Variants in LTBP1 observed in about 807,000 individuals in gnomAD.
LTBP1 encodes latent-transforming growth factor beta-binding protein 1.
A neutral mutation model predicts 207.6 loss-of-function variants in LTBP1; 129 were observed. The observed-to-expected ratio is 0.62, with a 90% CI of 0.54 to 0.72. The LOEUF is 0.72. Ranked by LOEUF, LTBP1 falls within the 30% of genes least tolerant of loss-of-function variation. The pLI is 0.00. For synonymous variants in LTBP1, 963 were observed against 833.7 expected (o/e 1.16, Z -2.67); for missense variants, 2,281 against 2,217.2 (o/e 1.03, Z -0.58).
At chr2:33,145,463 A>G (rs1005373372) in intron 5 of LTBP1, among the ~76,000 whole-genome samples, 31 of 152,226 alleles carry the variant, frequency 2.0e-4, no homozygotes, top group African/African-American at 7.2e-4. Flanking sequence ...AGAGTTTACT[A>G]CAGTGAGGAA....
intron 3 of LTBP1, among the ~76,000 whole-genome samples, chr2:33,092,197 G>GCA (rs908762240): frequency 0.011 from 1,661 of 150,810 alleles, 16 homozygotes; most frequent in Middle Eastern, 0.071. Flanking sequence ...ACACACACGC[G>GCA]CACACACACA....
intron 3 of LTBP1, among the ~76,000 whole-genome samples, chr2:33,063,764 A>G (rs2077373667): frequency 6.6e-6 from 1 of 152,100 alleles, no homozygotes; most frequent in South Asian, 2.1e-4. Context: ...TGAATATGGT[A>G]TATCTCTACA....
At chr2:33,174,326 G>A (rs1338716899) in intron 5 of LTBP1, among the ~76,000 whole-genome samples, 31 of 151,410 alleles carry the variant, frequency 2.0e-4, no homozygotes, top group East Asian at 7.8e-4. Flanking sequence ...TACAAAATCA[G>A]TGTACAAAAA....
chr2:33,265,393 A>G (rs545310758), intron 15 of LTBP1, among the ~76,000 whole-genome samples: 2 of 152,248 alleles, frequency 1.3e-5, no homozygotes, highest in Non-Finnish European at 2.9e-5. Flanking sequence ...GTAGGAGTTT[A>G]TATGAGTGGT....
At chr2:33,353,859 C>CATTTT (rs777108878) in intron 26 of LTBP1, among the ~76,000 whole-genome samples, 2 of 113,114 alleles carry the variant, frequency 1.8e-5, no homozygotes, top group Non-Finnish European at 3.9e-5. Flanking sequence ...TGCATGTACG[C>CATTTT]CTTTTTTTTT....
At chr2:33,265,399 G>A (rs1165470873) in intron 15 of LTBP1, among the ~76,000 whole-genome samples, 4 of 152,204 alleles carry the variant, frequency 2.6e-5, no homozygotes, top group African/African-American at 7.2e-5. Flanking sequence ...GTTTATATGA[G>A]TGGTTACCTA....
intron 3 of LTBP1, among the ~76,000 whole-genome samples, chr2:33,038,319 T>G (rs2076023953): frequency 6.6e-6 from 1 of 152,184 alleles, no homozygotes; most frequent in African/African-American, 2.4e-5. Context: ...GGTTTTTTGG[T>G]TTCCCCTGCA....
chr2:33,151,904 G>C (rs2083567204), intron 5 of LTBP1, among the ~76,000 whole-genome samples: 1 of 149,104 alleles, frequency 6.7e-6, no homozygotes, highest in South Asian at 2.1e-4. Flanking sequence ...TCCACTCGTT[G>C]ATTGATGGAC....
chr2:33,099,683 G>A (rs1193913633), intron 3 of LTBP1, among the ~76,000 whole-genome samples: 1 of 152,158 alleles, frequency 6.6e-6, no homozygotes, highest in African/African-American at 2.4e-5. Context: ...ATCCTGTGTA[G>A]TACTGTTTAT....
At position 33,138,848 on chromosome 2, in the gene LTBP1, C is replaced by CTTT. The variant is rs71409603; in HGVS notation, c.1201+3914_1201+3916dup. 3.7e-3 allele frequency among the ~76,000 whole-genome samples: 289 copies of CTTT among 77,670 alleles called. 33 individuals carry two copies. Among genetic ancestry groups the CTTT allele is most frequent in the African/African-American group, 7.7e-3 (143 of 18,646 alleles). The allele number at this position is 77,670 out of a possible 152,430, so 51.0% of individuals were successfully genotyped here. A position where few individuals can be genotyped will look rare whatever the true frequency, so the allele number is the denominator to read the frequency against. On this transcript the variant is annotated intron_variant, in intron 5 of 33. Transcript: ENST00000404816. Reference sequence around the variant, plus strand: ...TTGGACCATTTAAAAAGTATGTTCTCTTTTTTTTTTTTTTTTTTTTTTTTT... The same window carrying CTTT: ...TTGGACCATTTAAAAAGTATGTTCTCTTTTTTTTTTTTTTTTTTTTTTTTTTTT...
intron 3 of LTBP1, among the ~76,000 whole-genome samples, chr2:33,028,915 C>G (rs539165166): frequency 1.3e-5 from 2 of 152,280 alleles, no homozygotes; most frequent in Admixed American, 6.5e-5. Flanking sequence ...ATTACTGAAA[C>G]TGGTACTATA....
chr2:33,017,340 G>C (rs1429999616), intron 2 of LTBP1, among the ~76,000 whole-genome samples: 1 of 152,206 alleles, frequency 6.6e-6, no homozygotes, highest in African/African-American at 2.4e-5. Flanking sequence ...CCTGTTTCCA[G>C]ATGTTGTGTG....
intron 2 of LTBP1, among the ~76,000 whole-genome samples, chr2:32,959,621 A>ATATATATATATTTTTTTTTTTT (rs1475834284): frequency 8.2e-5 from 3 of 36,668 alleles, no homozygotes; most frequent in African/African-American, 2.9e-4. Context: ...ATATATATAT[A>ATATATATATATTTTTTTTTTTT]TTTTTTTTTT....
At chr2:33,153,146 T>C (rs1163967376) in intron 5 of LTBP1, among the ~76,000 whole-genome samples, 1 of 152,240 alleles carries the variant, frequency 6.6e-6, no homozygotes, top group Non-Finnish European at 1.5e-5. Context: ...TACAGTATGT[T>C]CCCCTTTGTA....
At chr2:33,377,627 AAGG>A (rs1374759039) in intron 31 of LTBP1, among the ~76,000 whole-genome samples, 3 of 152,362 alleles carry the variant, frequency 2.0e-5, no homozygotes, top group South Asian at 4.1e-4. Flanking sequence ...GTTTGAGCGA[AAGG>A]AGAGAAATTC....
chr2:32,990,292 G>T (rs2148842672), intron 2 of LTBP1, among the ~76,000 whole-genome samples: 1 of 152,336 alleles, frequency 6.6e-6, no homozygotes, highest in Admixed American at 6.5e-5. Flanking sequence ...GCATTTTGCA[G>T]GACTGGGGCA....
chr2:33,278,745 A>T (rs1231474692), intron 18 of LTBP1, among the ~76,000 whole-genome samples: 1 of 152,126 alleles, frequency 6.6e-6, no homozygotes, highest in African/African-American at 2.4e-5. Context: ...TCCAGAGGAG[A>T]ATGTAATGCT....
intron 27 of LTBP1, 35 bp downstream of exon 27, chr2:33,360,814 G>A (rs944757733): frequency 3.1e-6 from 5 of 1,597,648 alleles, no homozygotes; most frequent in African/African-American, 2.7e-5. Context: ...TCACACTTGT[G>A]TTTGGTCACA....
chr2:33,213,255 G>C (rs1319496813), intron 7 of LTBP1, among the ~76,000 whole-genome samples: 1 of 152,108 alleles, frequency 6.6e-6, no homozygotes, highest in Non-Finnish European at 1.5e-5. Context: ...GCTAAATATT[G>C]GGTTGTAAAT....
Sources: gnomAD v4.1 joint callset for allele counts (sites outside exome capture counted in the v4.1 genomes callset) on GRCh38, gnomAD v4.1.1 for gene constraint, MANE v1.5 for transcripts, NCBI Gene and HGNC (gene_info 2026-07-23, HGNC 2026-07-21) for gene names.